The following PIGA variants were observed in gnomAD, a reference collection of about 807,000 sequenced individuals.
PIGA encodes phosphatidylinositol glycan anchor biosynthesis class A.
Under a neutral mutation model 17.1 loss-of-function variants are expected in PIGA, and 3 were observed. The ratio of observed to expected loss-of-function variants is 0.18; its 90% CI spans 0.08 to 0.45. The LOEUF (loss-of-function observed/expected upper bound fraction) is 0.45. PIGA is among the 20% of genes least tolerant of loss of function. The pLI is 0.99. For missense variants in PIGA, 231 were observed against 374.1 expected (o/e 0.62, Z 3.16); for synonymous variants, 126 against 135.1 (o/e 0.93, Z 0.47).
intron 2 of PIGA, chrX:15,329,062 A>G (rs754943149): frequency 8.9e-6 from 1 of 111,998 alleles, no homozygotes; most frequent in South Asian, 3.7e-4. Context: ...ACTTAAATGG[A>G]CTGCTGGGTC....
chrX:15,322,768 G>A (rs1462541074), intron 5 of PIGA, among the ~76,000 whole-genome samples: 1 of 111,832 alleles, frequency 8.9e-6, no homozygotes, highest in African/African-American at 3.3e-5. Context: ...ATTATGTTGA[G>A]AATTATGCTG....
At position 15,321,758 on chromosome X, in the gene PIGA, T is replaced by C. The variant is rs1921824826; in HGVS notation, c.1203A>G (p.Val401=). 1 of 1,210,201 alleles carries C rather than the reference T, an allele frequency of 8.3e-7. No individual in the cohort carries two copies. The highest frequency in any genetic ancestry group is 3.0e-5 in the East Asian group (1 of 33,852). Residue 401 remains valine, a synonymous_variant, in exon 6 of 6, where the codon GTA becomes GTG. Transcript: ENST00000333590. ...AERTEKVYDR[V]SVEAVLPMDK... ...CCATTGGCAACACAGCTTCCACTGA[T>C]ACCCGGTCATATACCTGGAGGGAGA...
chrX:15,325,115 T>C lies in PIGA; in HGVS notation c.886A>G (p.Arg296Gly). The C allele has an allele frequency of 8.3e-7, 1 of 1,205,092 alleles. No individual in the cohort carries two copies. The highest frequency in any genetic ancestry group is 1.1e-6 in the Non-Finnish European group (1 of 892,053). The stretch of plus-strand genomic sequence containing the variant: ...ATATGTCCTTGAACTAAGACATTTC[T>C]AACATCCTTGTGTTCTAAAGCTCCC... The part of the protein sequence containing the change: ...LLGALEHKDV[R>G]NVLVQGHIFL... Residue 296 changes from arginine to glycine, a missense_variant, in exon 4 of 6, where the codon AGA becomes GGA. Around this residue, in one of 5 missense-constraint regions of PIGA, gnomAD observed 83 missense variants for 190.1 expected, o/e 0.44. Transcript: ENST00000333590.
chrX:15,330,739 A>G (rs751012566), intron 2 of PIGA, among the ~76,000 whole-genome samples: 1 of 111,041 alleles, frequency 9.0e-6, no homozygotes, highest in East Asian at 2.8e-4. Context: ...AGTAGCTGGG[A>G]CTACAGGAGC....
intron 3 of PIGA, 87 bp downstream of exon 3, chrX:15,325,827 C>A (rs1472847270): frequency 4.6e-5 from 32 of 691,412 alleles, no homozygotes; most frequent in Non-Finnish European, 6.7e-5. Context: ...GCAGGAGAAG[C>A]AACACACCTA....
intron 3 of PIGA, 157 bp downstream of exon 3, chrX:15,325,757 A>C: frequency 2.9e-6 from 1 of 343,062 alleles, no homozygotes. Flanking sequence ...TATTTATATA[A>C]AAATTTTGAA....
chrX:15,325,330 G>C (rs1921938670), intron 3 of PIGA, 178 bp from the exon 4 acceptor site: 2 of 362,375 alleles, frequency 5.5e-6, no homozygotes, highest in Non-Finnish European at 9.2e-6. Flanking sequence ...TTATAAAGCA[G>C]TTGGGTTAAA....
intron 2 of PIGA, chrX:15,326,904 T>C (rs1921987799): frequency 8.9e-6 from 1 of 112,339 alleles, no homozygotes; most frequent in Non-Finnish European, 1.9e-5. Flanking sequence ...CCCAACAATG[T>C]CAACACTATT....
intron 1 of PIGA, among the ~76,000 whole-genome samples, chrX:15,332,603 G>A (rs1922200925): frequency 8.9e-6 from 1 of 112,393 alleles, no homozygotes. Context: ...CCCTTCTATA[G>A]TATAGTCCCT....
At chrX:15,322,000 C>G (rs760771145) in intron 5 of PIGA, among the ~76,000 whole-genome samples, 1 of 111,656 alleles carries the variant, frequency 9.0e-6, no homozygotes, top group African/African-American at 3.3e-5. Context: ...GGCAAGACAC[C>G]GGGCTAGAGG....
intron 2 of PIGA, among the ~76,000 whole-genome samples, chrX:15,329,846 G>A (rs944139847): frequency 2.7e-5 from 3 of 111,522 alleles, no homozygotes; most frequent in Non-Finnish European, 5.6e-5. Flanking sequence ...AGCATTTTGG[G>A]AGGCCGGGGC....
chrX:15,326,805 T>C (rs184828250), intron 2 of PIGA: 1 of 112,133 alleles, frequency 8.9e-6, no homozygotes, highest in Non-Finnish European at 1.9e-5. Context: ...ATGATTTTCT[T>C]ATAATATATA....
rs1291656953 is a variant in PIGA, at chrX:15,320,494, G to A, written c.*1012C>T. Reference sequence around the variant, plus strand: ...GACAATACTTATCAGACATCAGCGAGGCCACAGTGAAGGGGAGTGACTTAC... The same window carrying A: ...GACAATACTTATCAGACATCAGCGAAGCCACAGTGAAGGGGAGTGACTTAC... On this transcript the variant is annotated 3_prime_UTR_variant, in exon 6 of 6. Transcript: ENST00000333590. 8.9e-6 allele frequency: 1 copy of A among 112,189 alleles called. No homozygotes were observed. Among genetic ancestry groups the A allele is most frequent in the Non-Finnish European group, 1.9e-5 (1 of 53,291 alleles). 9.2% of individuals were successfully genotyped at this position (112,189 alleles called of 1,213,427 possible). A position where few individuals can be genotyped will look rare whatever the true frequency, so the allele number is the denominator to read the frequency against.
At chrX:15,334,860 TGG>T in intron 1 of PIGA, among the ~76,000 whole-genome samples, 1 of 112,238 alleles carries the variant, frequency 8.9e-6, no homozygotes, top group Non-Finnish European at 1.9e-5. Context: ...AAATGAGGCT[TGG>T]AGCTCTAGTG....
Position 15,319,679 on chromosome X carries a change from A to G in PIGA, c.*1827T>C, listed in dbSNP as rs1450987101. The stretch of plus-strand genomic sequence containing the variant: ...TGACAGTTACAATTAAGGTATCCAG[A>G]AAGGTTGAAAATTAAGATTTACGTG... On this transcript the variant is annotated 3_prime_UTR_variant, in exon 6 of 6. Transcript: ENST00000333590. The G allele has an allele frequency of 9.0e-6, 1 of 111,102 alleles. No homozygotes were observed. Among genetic ancestry groups the G allele is most frequent in the East Asian group, 2.8e-4 (1 of 3,609 alleles). 9.2% of individuals were successfully genotyped at this position (111,102 alleles called of 1,213,427 possible).
At chrX:15,331,069 C>G in intron 2 of PIGA, 147 bp downstream of exon 2, 2 of 433,256 alleles carry the variant, frequency 4.6e-6, no homozygotes, top group Non-Finnish European at 7.8e-6. Flanking sequence ...ATATATAAAC[C>G]AATATTAGAA....
At chrX:15,322,391 TG>T (rs1448796088) in intron 5 of PIGA, among the ~76,000 whole-genome samples, 1 of 111,660 alleles carries the variant, frequency 9.0e-6, no homozygotes, top group East Asian at 2.8e-4. Context: ...GATAAAGAGA[TG>T]GGGGAAATTT....
intron 1 of PIGA, 77 bp downstream of exon 1, chrX:15,335,424 C>G (rs2072407165): frequency 1.1e-6 from 1 of 925,328 alleles, no homozygotes; most frequent in Admixed American, 5.2e-5. Context: ...CCACCCGCCA[C>G]GATCCCACGC....
In PIGA at chrX:15,335,520, C is replaced by T. The variant is rs1273267666; in HGVS notation, c.-82G>A. ...ACTCACCGGTGAGTTCCATGGCCGC[C>T]AGTGTCCGGACCTCCCGCGGCTGCA... On this transcript the variant is annotated 5_prime_UTR_variant, in exon 1 of 6. Transcript: ENST00000333590. The T allele has an allele frequency of 5.1e-6, 5 of 977,113 alleles. No homozygotes were observed. Among genetic ancestry groups the T allele is most frequent in the Non-Finnish European group, 6.4e-6 (5 of 776,317 alleles). The allele number at this position is 977,113 out of a possible 1,213,427, so 80.5% of individuals were successfully genotyped here.
Sources: allele counts gnomAD v4.1 joint callset (sites outside exome capture counted in the v4.1 genomes callset), GRCh38; gene constraint gnomAD v4.1.1; regional missense constraint gnomAD v4.1.1; transcripts MANE v1.5; gene names NCBI Gene and HGNC (gene_info 2026-07-23, HGNC 2026-07-21).